The following WIF1 variants were observed in gnomAD, a reference collection of about 807,000 sequenced individuals.
The protein encoded by WIF1 is Wnt inhibitory factor 1.
WIF1 carries 35 observed loss-of-function variants against 53.5 expected under a neutral mutation model. That is an observed-to-expected ratio of 0.65 (90% CI 0.50 to 0.87). The LOEUF is 0.87. Among genes scored for constraint, WIF1 ranks in the 40% least tolerant of loss-of-function variants. The pLI is 0.00. For missense variants in WIF1, 467 were observed against 476.8 expected (o/e 0.98, Z 0.19); for synonymous variants, 171 against 170.4 (o/e 1.00, Z -0.03).
intron 2 of WIF1, among the ~76,000 whole-genome samples, chr12:65,097,388 G>C (rs772100664): frequency 1.3e-5 from 2 of 152,126 alleles, no homozygotes; most frequent in Non-Finnish European, 2.9e-5. Context: ...ACATGGCATA[G>C]TTATAAAATG....
chr12:65,077,700 C>T (rs778834348), intron 3 of WIF1, 46 bp downstream of exon 3: 2 of 1,332,638 alleles, frequency 1.5e-6, no homozygotes, highest in East Asian at 2.3e-5. Flanking sequence ...TTCTTATCAT[C>T]ATTACATTTT....
Position 65,067,879 on chromosome 12 carries a change from C to T in WIF1, c.539-89G>A, listed in dbSNP as rs77579783. On this transcript the variant is annotated intron_variant, in intron 4 of 9. Coordinates refer to ENST00000286574, the MANE Select transcript of WIF1 (RefSeq NM_007191.5). ...CAGTGTGAGACAGTAGTGTTCATTT[C>T]TGTTCTAGCCCACCAATTAATCATA... is the stretch of plus-strand genomic sequence containing the variant. 1.4e-3 allele frequency: 1,542 copies of T among 1,073,960 alleles called. 30 individuals are homozygous for T. The East Asian group carries it at 0.033, about 23-fold the overall frequency. The allele number at this position is 1,073,960 out of a possible 1,614,324, so 66.5% of individuals were successfully genotyped here.
intron 2 of WIF1, among the ~76,000 whole-genome samples, chr12:65,089,508 C>T (rs1883091907): frequency 6.6e-6 from 1 of 152,138 alleles, no homozygotes; most frequent in Admixed American, 6.6e-5. Context: ...CTACTTAACA[C>T]CCTTAATGGT....
At chr12:65,079,312 A>C (rs1038505650) in intron 2 of WIF1, among the ~76,000 whole-genome samples, 2 of 152,136 alleles carry the variant, frequency 1.3e-5, no homozygotes, top group African/African-American at 4.8e-5. Flanking sequence ...CAAATCTGAC[A>C]AGAAATAGAA....
intron 2 of WIF1, among the ~76,000 whole-genome samples, chr12:65,103,261 T>C (rs1883307606): frequency 6.6e-6 from 1 of 152,230 alleles, no homozygotes; most frequent in South Asian, 2.1e-4. Context: ...CACCAATGCA[T>C]GATTTTTCCT....
chr12:65,119,414 G>C (rs1439582953), intron 2 of WIF1, among the ~76,000 whole-genome samples: 1 of 152,038 alleles, frequency 6.6e-6, no homozygotes. Flanking sequence ...GAACAGACTT[G>C]AAGGGAAAAA....
chr12:65,054,933 T>TG (rs1882500560), intron 9 of WIF1, among the ~76,000 whole-genome samples, 185 bp downstream of exon 9: 1 of 152,144 alleles, frequency 6.6e-6, no homozygotes, highest in Non-Finnish European at 1.5e-5. Context: ...TGGAGAAGTA[T>TG]GGGGGAGAAG....
chr12:65,065,685 C>G, intron 6 of WIF1, among the ~76,000 whole-genome samples: 1 of 152,134 alleles, frequency 6.6e-6, no homozygotes, highest in East Asian at 1.9e-4. Flanking sequence ...TATCTTAACT[C>G]ATATGTTTAT....
In WIF1 at chr12:65,051,144, C is replaced by T; in HGVS notation, c.*205G>A. The stretch of plus-strand genomic sequence containing the variant: ...TAAAATCTGTCCCAAAGCACTGAAA[C>T]AAGAAAATCTATACCATCATGCTAC... On this transcript the variant is annotated 3_prime_UTR_variant, in exon 10 of 10. Transcript: ENST00000286574. 1 of 534,964 alleles carries T rather than the reference C, an allele frequency of 1.9e-6. No individual in the cohort carries two copies. The highest frequency in any genetic ancestry group is 2.9e-6 in the Non-Finnish European group (1 of 344,146). The allele number at this position is 534,964 out of a possible 1,614,324, so 33.1% of individuals were successfully genotyped here.
intron 2 of WIF1, among the ~76,000 whole-genome samples, chr12:65,094,080 A>T (rs1271385622): frequency 1.3e-5 from 2 of 152,174 alleles, no homozygotes. Context: ...CTCTTCCCCA[A>T]ACATAGCCGC....
At chr12:65,077,486 A>G (rs1056380260) in intron 3 of WIF1, among the ~76,000 whole-genome samples, 1 of 152,018 alleles carries the variant, frequency 6.6e-6, no homozygotes, top group Admixed American at 6.6e-5. Flanking sequence ...TTTTTCTTTA[A>G]AAAAGTCTGG....
chr12:65,056,365 CCT>C (rs1743191792), intron 7 of WIF1, among the ~76,000 whole-genome samples: 1 of 41,036 alleles, frequency 2.4e-5, no homozygotes, highest in African/African-American at 7.6e-5. Context: ...GCATTTATAT[CCT>C]TTTTTTTTTT....
chr12:65,065,621 TACTA>T lies in WIF1; in HGVS notation c.730+1016_730+1019del, dbSNP rs1422873611. ...AACTGCTCATGGCAATCTTACTTGG[TACTA>T]ACTGAGTGATCACTAAAGAGACACT... On this transcript the variant is annotated intron_variant, in intron 6 of 9. Transcript: ENST00000286574. Among the ~76,000 whole-genome samples the T allele has an allele frequency of 3.3e-5, 5 of 152,172 alleles. No homozygotes were observed. The East Asian group carries it at 7.7e-4, about 23-fold the overall frequency.
At chr12:65,090,964 G>C (rs985359287) in intron 2 of WIF1, among the ~76,000 whole-genome samples, 3 of 152,096 alleles carry the variant, frequency 2.0e-5, no homozygotes, top group Non-Finnish European at 4.4e-5. Flanking sequence ...GAGGGTCTCT[G>C]TAATGCATTG....
At chr12:65,051,865 T>G (rs545352142) in intron 9 of WIF1, among the ~76,000 whole-genome samples, 1 of 152,174 alleles carries the variant, frequency 6.6e-6, no homozygotes, top group Non-Finnish European at 1.5e-5. Context: ...CTGATATTGA[T>G]CCAGTTCAAT....
intron 1 of WIF1, 148 bp downstream of exon 1, chr12:65,120,896 T>C: frequency 8.8e-7 from 1 of 1,137,558 alleles, no homozygotes; most frequent in Non-Finnish European, 1.2e-6. Flanking sequence ...TTATAAGCTT[T>C]CAGATGGAAA....
At chr12:65,114,995 C>T (rs1273892459) in intron 2 of WIF1, among the ~76,000 whole-genome samples, 2 of 152,032 alleles carry the variant, frequency 1.3e-5, no homozygotes, top group African/African-American at 4.8e-5. Flanking sequence ...GCTTGTCTAG[C>T]AATCCAGGTG....
intron 3 of WIF1, among the ~76,000 whole-genome samples, chr12:65,074,783 A>G (rs566182702): frequency 7.1e-6 from 1 of 140,722 alleles, no homozygotes; most frequent in South Asian, 2.2e-4. Context: ...GCACCACTGC[A>G]CTCAAGCCTG....
chr12:65,120,395 G>A (rs1194252651), intron 2 of WIF1, 22 bp downstream of exon 2: 2 of 1,609,660 alleles, frequency 1.2e-6, no homozygotes, highest in Non-Finnish European at 1.7e-6. Context: ...AAATATTAAA[G>A]GGTAATTTTC....
Sources: gnomAD v4.1 joint callset for allele counts (sites outside exome capture counted in the v4.1 genomes callset) on GRCh38, gnomAD v4.1.1 for gene constraint, MANE v1.5 for transcripts, NCBI Gene and HGNC (gene_info 2026-07-23, HGNC 2026-07-21) for gene names.